The following DLG2 variants were observed in gnomAD, a reference collection of about 807,000 sequenced individuals.
DLG2 encodes the protein disks large homolog 2.
A neutral mutation model predicts 132.5 loss-of-function variants in DLG2; 45 were observed. The observed-to-expected ratio is 0.34, with a 90% CI of 0.27 to 0.44. The LOEUF is 0.44. Ranked by LOEUF, DLG2 falls within the 20% of genes least tolerant of loss-of-function variation. DLG2 has a pLI of 1.00. For missense variants in DLG2, 1,045 were observed against 1,196.9 expected, an observed-to-expected ratio of 0.87 and a Z score of 1.87; for synonymous variants, 424 against 419.6, an observed-to-expected ratio of 1.01 and a Z score of -0.13.
intron 14 of DLG2, among the ~76,000 whole-genome samples, chr11:83,944,307 C>T (rs532316394): frequency 2.0e-5 from 3 of 152,286 alleles, no homozygotes; most frequent in African/African-American, 2.4e-5. Flanking sequence ...ACTGCCTGTT[C>T]CGCCAAAACC....
intron 8 of DLG2, among the ~76,000 whole-genome samples, chr11:84,170,251 C>T (rs1425568048): frequency 1.3e-5 from 2 of 152,136 alleles, no homozygotes; most frequent in African/African-American, 4.8e-5. Flanking sequence ...AATTTATCCT[C>T]CCATCTCAGG....
In DLG2 at chr11:84,714,188, AC is replaced by A. The variant is rs535527794; in HGVS notation, c.358-179458del. ...CATGTTACTATAAAATAAAAAAAAA[AC>A]ATATACCAAAATGGTCAACCTTTGG... On this transcript the variant is annotated intron_variant, in intron 6 of 27. Transcript: ENST00000376104. Among the ~76,000 whole-genome samples, 51 of 130,042 alleles carry A rather than the reference AC, an allele frequency of 3.9e-4. No individual in the cohort carries two copies. In the East Asian group the frequency reaches 4.3e-3, roughly 11 times the overall value. 85.3% of individuals were successfully genotyped at this position (130,042 alleles called of 152,430 possible).
At chr11:84,778,940 C>T (rs1010212467) in intron 6 of DLG2, among the ~76,000 whole-genome samples, 1 of 152,164 alleles carries the variant, frequency 6.6e-6, no homozygotes, top group Non-Finnish European at 1.5e-5. Context: ...TGCTCTTGAA[C>T]ATCAGACTCC....
chr11:84,678,163 C>G (rs1398742797), intron 6 of DLG2, among the ~76,000 whole-genome samples: 3 of 152,020 alleles, frequency 2.0e-5, no homozygotes, highest in African/African-American at 7.2e-5. Flanking sequence ...GAGAGCTAAC[C>G]TAGGCCTCCA....
At chr11:83,979,575 C>G (rs1175630082) in intron 12 of DLG2, among the ~76,000 whole-genome samples, 1 of 152,170 alleles carries the variant, frequency 6.6e-6, no homozygotes, top group African/African-American at 2.4e-5. Context: ...TATCATATAA[C>G]TCCATGGTTC....
chr11:83,513,810 G>C (rs1033869544), intron 21 of DLG2, among the ~76,000 whole-genome samples: 3 of 152,004 alleles, frequency 2.0e-5, no homozygotes, highest in Non-Finnish European at 4.4e-5. Context: ...TCTTGTTTTT[G>C]TCAGGTTTGT....
At chr11:84,974,652 A>G (rs2054609062) in intron 6 of DLG2, among the ~76,000 whole-genome samples, 1 of 152,210 alleles carries the variant, frequency 6.6e-6, no homozygotes, top group Non-Finnish European at 1.5e-5. Flanking sequence ...AAAGAGTGCT[A>G]CTGCATCTCT....
chr11:83,911,866 C>A (rs996737759), intron 15 of DLG2, among the ~76,000 whole-genome samples: 4 of 150,760 alleles, frequency 2.7e-5, no homozygotes, highest in Non-Finnish European at 5.9e-5. Flanking sequence ...TTTTTGTTTT[C>A]TTTTTTTTGA....
intron 7 of DLG2, among the ~76,000 whole-genome samples, chr11:84,425,440 T>C (rs540298671): frequency 6.6e-6 from 1 of 152,268 alleles, no homozygotes; most frequent in African/African-American, 2.4e-5. Flanking sequence ...TCCTGCTTTT[T>C]TCAAAACACT....
intron 11 of DLG2, among the ~76,000 whole-genome samples, chr11:84,038,617 C>T (rs188269625): frequency 1.1e-4 from 16 of 152,158 alleles, no homozygotes; most frequent in African/African-American, 3.9e-4. Flanking sequence ...CTCTCTGGGG[C>T]AACTACTGTT....
At chr11:85,569,748 G>A (rs1387281303) in intron 3 of DLG2, among the ~76,000 whole-genome samples, 1 of 152,146 alleles carries the variant, frequency 6.6e-6, no homozygotes, top group Non-Finnish European at 1.5e-5. Flanking sequence ...AGAGAAAAGG[G>A]GAAGCTTATA....
chr11:83,807,821 C>T (rs552705586), intron 17 of DLG2, among the ~76,000 whole-genome samples: 15 of 152,254 alleles, frequency 9.9e-5, no homozygotes, highest in African/African-American at 3.6e-4. Flanking sequence ...AACTGAGGCA[C>T]AGAAAGATTA....
chr11:83,893,332 C>G (rs938067323), intron 15 of DLG2, among the ~76,000 whole-genome samples: 1 of 152,174 alleles, frequency 6.6e-6, no homozygotes, highest in African/African-American at 2.4e-5. Flanking sequence ...AATACACAGT[C>G]CCTTTGAGGG....
chr11:85,422,404 T>C (rs543537594), intron 3 of DLG2, among the ~76,000 whole-genome samples: 57 of 152,252 alleles, frequency 3.7e-4, no homozygotes, highest in African/African-American at 1.3e-3. Flanking sequence ...TTTGTCTTTG[T>C]TGGGTTGGGT....
At chr11:83,533,919 G>A (rs1483005533) in intron 20 of DLG2, among the ~76,000 whole-genome samples, 1 of 152,054 alleles carries the variant, frequency 6.6e-6, no homozygotes, top group Non-Finnish European at 1.5e-5. Context: ...ACTGAAGGAG[G>A]GAAGGAGCAG....
chr11:83,634,893 G>A (rs752562397), intron 18 of DLG2, among the ~76,000 whole-genome samples: 23 of 152,162 alleles, frequency 1.5e-4, no homozygotes, highest in Non-Finnish European at 1.3e-4. Flanking sequence ...CATAAGCAAA[G>A]TCTGGTATTA....
intron 18 of DLG2, among the ~76,000 whole-genome samples, chr11:83,718,199 G>A (rs2087249260): frequency 6.6e-6 from 1 of 152,104 alleles, no homozygotes; most frequent in Non-Finnish European, 1.5e-5. Context: ...GAGTAGAGAC[G>A]GCTTCTCAGA....
intron 6 of DLG2, among the ~76,000 whole-genome samples, chr11:84,924,666 A>G (rs1360401552): frequency 6.6e-6 from 1 of 152,154 alleles, no homozygotes; most frequent in Non-Finnish European, 1.5e-5. Flanking sequence ...CTAAATAGCT[A>G]TTTTGGGCTG....
chr11:83,982,821 T>C (rs2092913389), intron 11 of DLG2, among the ~76,000 whole-genome samples: 1 of 152,138 alleles, frequency 6.6e-6, no homozygotes, highest in Non-Finnish European at 1.5e-5. Flanking sequence ...GATGTACCGT[T>C]GTTTATCTTT....
Sources: allele counts gnomAD v4.1 joint callset (sites outside exome capture counted in the v4.1 genomes callset), GRCh38; gene constraint gnomAD v4.1.1; transcripts MANE v1.5; gene names NCBI Gene and HGNC (gene_info 2026-07-23, HGNC 2026-07-21).